The following ETS1 variants were observed in gnomAD, a reference collection of about 807,000 sequenced individuals.
ETS1 encodes the protein ETS proto-oncogene 1, transcription factor, also known as protein C-ets-1.
Under a neutral mutation model 58.6 loss-of-function variants are expected in ETS1, and 15 were observed. That is an observed-to-expected ratio of 0.26 (90% confidence interval 0.17 to 0.39). ETS1 has a LOEUF of 0.39. Among genes scored for constraint, ETS1 ranks in the 10% least tolerant of loss-of-function variants. ETS1 has a pLI of 1.00. For synonymous variants in ETS1, 214 were observed against 218.2 expected, an observed-to-expected ratio of 0.98 and a Z score of 0.17; for missense variants, 417 against 610.5, an observed-to-expected ratio of 0.68 and a Z score of 3.34.
At chr11:128,471,526 A>G (rs1321975772) in intron 8 of ETS1, among the ~76,000 whole-genome samples, 1 of 152,194 alleles carries the variant, frequency 6.6e-6, no homozygotes, top group Non-Finnish European at 1.5e-5. Context: ...TAACACATTC[A>G]AGCTAACACT....
intron 3 of ETS1, chr11:128,529,991 T>C (rs906628423): frequency 1.3e-5 from 2 of 152,342 alleles, no homozygotes; most frequent in Middle Eastern, 3.4e-3. Flanking sequence ...TTCATAAATA[T>C]GCAGGAACAT....
At chr11:128,510,456 G>A (rs989738553) in intron 3 of ETS1, among the ~76,000 whole-genome samples, 3 of 152,150 alleles carry the variant, frequency 2.0e-5, no homozygotes, top group African/African-American at 7.2e-5. Context: ...ACCCTGCCCA[G>A]TTAACAGCAG....
intron 3 of ETS1, among the ~76,000 whole-genome samples, chr11:128,523,920 A>G (rs957492616): frequency 4.0e-5 from 6 of 148,490 alleles, no homozygotes; most frequent in African/African-American, 7.7e-5. Flanking sequence ...ATGAACCACA[A>G]AAAAAAAAAG....
intron 2 of ETS1, among the ~76,000 whole-genome samples, chr11:128,560,885 C>T (rs1864395305): frequency 6.6e-6 from 1 of 152,016 alleles, no homozygotes; most frequent in Admixed American, 6.6e-5. Flanking sequence ...GGAAGGCTTC[C>T]TGCAGGAAGC....
intron 1 of ETS1, among the ~76,000 whole-genome samples, chr11:128,579,169 A>G (rs1157719353): frequency 6.6e-6 from 1 of 152,236 alleles, no homozygotes; most frequent in East Asian, 1.9e-4. Context: ...CACATGGGGA[A>G]TTCAAAAGCA....
At chr11:128,537,219 T>G (rs1230626796) in intron 3 of ETS1, among the ~76,000 whole-genome samples, 1 of 152,238 alleles carries the variant, frequency 6.6e-6, no homozygotes, top group East Asian at 1.9e-4. Context: ...TGCCAAGTCT[T>G]TAGTCGTCAT....
At chr11:128,492,424 C>T (rs1389775810) in intron 3 of ETS1, among the ~76,000 whole-genome samples, 1 of 152,200 alleles carries the variant, frequency 6.6e-6, no homozygotes, top group Admixed American at 6.5e-5. Flanking sequence ...AGAGTCCAGG[C>T]TGTGCCCTGG....
At chr11:128,473,732 G>A (rs533463825) in intron 8 of ETS1, among the ~76,000 whole-genome samples, 35 of 152,330 alleles carry the variant, frequency 2.3e-4, no homozygotes, top group African/African-American at 7.2e-4. Flanking sequence ...GAAGGGCAGC[G>A]CTTCTCTTGA....
Position 128,461,290 on chromosome 11 carries a change from C to T in ETS1, c.*1071G>A, listed in dbSNP as rs947827132. 6.5e-6 allele frequency: 1 copy of T among 152,742 alleles called. No individual in the cohort carries two copies. The highest frequency in any genetic ancestry group is 1.5e-5 in the Non-Finnish European group (1 of 68,026). The allele number at this position is 152,742 out of a possible 1,614,324, so 9.5% of individuals were successfully genotyped here. On this transcript the variant is annotated 3_prime_UTR_variant, in exon 10 of 10. Coordinates refer to ENST00000392668, the MANE Select transcript of ETS1 (RefSeq NM_001143820.2). The stretch of plus-strand genomic sequence containing the variant: ...AATGCCCATGCATACAGCTTTTATT[C>T]CAAGTCATCTATGCTACAGATATAG...
chr11:128,564,216 C>A (rs185781121), intron 2 of ETS1, among the ~76,000 whole-genome samples: 75 of 152,248 alleles, frequency 4.9e-4, no homozygotes, highest in African/African-American at 1.6e-3. Context: ...GCTGATCAAG[C>A]CTGAGGGTGG....
At chr11:128,578,472 ATTTT>A (rs961911100) in intron 1 of ETS1, among the ~76,000 whole-genome samples, 1 of 152,124 alleles carries the variant, frequency 6.6e-6, no homozygotes, top group Non-Finnish European at 1.5e-5. Flanking sequence ...TTACACTTTA[ATTTT>A]TTTCTTTTGA....
chr11:128,464,931 C>G lies in ETS1; in HGVS notation c.1124-1304G>C, dbSNP rs540687290. 6.6e-6 allele frequency among the ~76,000 whole-genome samples: 1 copy of G among 152,200 alleles called. No individual in the cohort carries two copies. The highest frequency in any genetic ancestry group is 1.5e-5 in the Non-Finnish European group (1 of 68,030). On this transcript the variant is annotated intron_variant, in intron 8 of 9. Coordinates refer to ENST00000392668, the MANE Select transcript of ETS1 (RefSeq NM_001143820.2). This position sits in a 1 kb window ranked among gnomAD's most constrained non-coding sequence, Gnocchi z 4.1. Reference sequence around the variant, plus strand: ...GTAAGGAGAGGCACAAGTGGTCTTACGGCTTCCTTTCTAATGGTGCAGAAA... The same window carrying G: ...GTAAGGAGAGGCACAAGTGGTCTTAGGGCTTCCTTTCTAATGGTGCAGAAA...
chr11:128,492,379 T>C (rs1436562968), intron 3 of ETS1, among the ~76,000 whole-genome samples: 3 of 152,232 alleles, frequency 2.0e-5, no homozygotes, highest in Admixed American at 2.0e-4. Context: ...ACTTTCTCTC[T>C]TGTTTGCTTT....
At position 128,463,543 on chromosome 11, in the gene ETS1, T is replaced by C. The variant is rs748010258; in HGVS notation, c.1208A>G (p.Asp403Gly). 6.2e-7 allele frequency: 1 copy of C among 1,611,494 alleles called. No individual in the cohort carries two copies. The highest frequency in any genetic ancestry group is 1.7e-5 in the Admixed American group (1 of 60,022). ...GTCAGAAAGTTTGAATTCCCAGCCA[T>C]CTCCTGTCCAGCTGATAAAAGACTG... ...SCQSFISWTG[D>G]GWEFKLSDPD... Residue 403 changes from aspartate (D) to glycine (G), a missense_variant, in exon 9 of 10, where the codon GAT (aspartate) becomes GGT (glycine). This residue lies in a region of ETS1 where 56 missense variants were observed against 156.1 expected (regional missense o/e 0.36). Transcript: ENST00000392668. This position sits in a 1 kb window ranked among gnomAD's most constrained non-coding sequence, Gnocchi z 4.1.
At chr11:128,542,757 T>C (rs1864074999) in intron 3 of ETS1, among the ~76,000 whole-genome samples, 1 of 152,106 alleles carries the variant, frequency 6.6e-6, no homozygotes, top group Non-Finnish European at 1.5e-5. Context: ...AAGTCTGAGG[T>C]ATCTGTGTGT....
intron 1 of ETS1, among the ~76,000 whole-genome samples, chr11:128,579,069 ATG>A (rs747090471): frequency 5.3e-5 from 8 of 152,236 alleles, no homozygotes; most frequent in African/African-American, 7.2e-5. Context: ...CAAAGGCATC[ATG>A]TTTTAAATTT....
intron 3 of ETS1, among the ~76,000 whole-genome samples, chr11:128,534,033 C>T (rs562224875): frequency 6.6e-6 from 1 of 152,252 alleles, no homozygotes; most frequent in Middle Eastern, 3.4e-3. Flanking sequence ...TAGTAAAGGG[C>T]GTTATTATTT....
intron 1 of ETS1, among the ~76,000 whole-genome samples, chr11:128,580,324 C>A (rs11221362): frequency 0.07 from 10,592 of 152,032 alleles, 529 homozygotes; most frequent in South Asian, 0.14. Flanking sequence ...TTCATCTATA[C>A]TCCTTCAGTG....
chr11:128,500,647 A>C (rs1863062898), intron 3 of ETS1, among the ~76,000 whole-genome samples: 1 of 152,226 alleles, frequency 6.6e-6, no homozygotes, highest in South Asian at 2.1e-4. Flanking sequence ...ATACACATTC[A>C]CACAGTGCAA....
Sources: allele counts gnomAD v4.1 joint callset (sites outside exome capture counted in the v4.1 genomes callset), GRCh38; gene constraint gnomAD v4.1.1; regional missense constraint gnomAD v4.1.1; non-coding constraint Gnocchi (gnomAD v3.1); transcripts MANE v1.5; gene names NCBI Gene and HGNC (gene_info 2026-07-23, HGNC 2026-07-21).